The following MIPEP variants were observed in gnomAD, a reference collection of about 807,000 sequenced individuals.
The protein encoded by MIPEP is mitochondrial intermediate peptidase.
MIPEP carries 79 observed loss-of-function variants against 90.3 expected under a neutral mutation model. That is an observed-to-expected ratio of 0.87 (90% confidence interval 0.73 to 1.05). MIPEP has a LOEUF of 1.05. MIPEP is among the 50% of genes least tolerant of loss of function. The pLI is 0.00. For synonymous variants in MIPEP, 334 were observed against 315.8 expected, an observed-to-expected ratio of 1.06 and a Z score of -0.61; for missense variants, 940 against 905.6, an observed-to-expected ratio of 1.04 and a Z score of -0.49.
At chr13:23,746,140 G>A (rs1215123743) in intron 18 of MIPEP, among the ~76,000 whole-genome samples, 5 of 148,580 alleles carry the variant, frequency 3.4e-5, no homozygotes, top group Admixed American at 6.8e-5. Flanking sequence ...TCAGCCTCCC[G>A]AGTAGCTGGG....
At chr13:23,812,099 G>A (rs1348435181) in intron 14 of MIPEP, among the ~76,000 whole-genome samples, 1 of 152,058 alleles carries the variant, frequency 6.6e-6, no homozygotes, top group African/African-American at 2.4e-5. Flanking sequence ...GGCACAAGGG[G>A]CACAAACAGT....
At chr13:23,822,031 TA>T (rs1953312383) in intron 14 of MIPEP, among the ~76,000 whole-genome samples, 2 of 152,000 alleles carry the variant, frequency 1.3e-5, no homozygotes, top group South Asian at 4.2e-4. Flanking sequence ...TAGAAGAGAG[TA>T]ATCATTCACA....
At chr13:23,883,760 GAC>G (rs1198544110) in intron 2 of MIPEP, among the ~76,000 whole-genome samples, 2 of 152,190 alleles carry the variant, frequency 1.3e-5, no homozygotes, top group African/African-American at 2.4e-5. Flanking sequence ...GAAATTCACT[GAC>G]ACAGATTTTC....
intron 18 of MIPEP, among the ~76,000 whole-genome samples, chr13:23,753,258 C>CA (rs1018179746): frequency 2.7e-5 from 4 of 150,138 alleles, no homozygotes; most frequent in East Asian, 1.9e-4. Flanking sequence ...AATAATAAGA[C>CA]AAAAAAAGAA....
chr13:23,799,000 GT>G (rs765292524), intron 16 of MIPEP, among the ~76,000 whole-genome samples: 5,249 of 88,736 alleles, frequency 0.059, 82 homozygotes, highest in African/African-American at 0.22. Flanking sequence ...AATTTTTTTG[GT>G]TTTTTTTTTT....
chr13:23,814,987 C>T (rs1296919853), intron 14 of MIPEP, among the ~76,000 whole-genome samples: 2 of 152,138 alleles, frequency 1.3e-5, no homozygotes, highest in Non-Finnish European at 2.9e-5. Flanking sequence ...CCACATTTTC[C>T]TCATCTGCAA....
In MIPEP at chr13:23,836,444, T is replaced by A. The variant is rs907321292; in HGVS notation, c.1544-95A>T. On this transcript the variant is annotated intron_variant, in intron 13 of 18. Transcript: ENST00000382172. ...TTAAAACTTTTATTTGTACTTCTGATGAACTGTAAGTTTTAATTCATTAAA... is the reference window on the plus strand; with the variant it reads ...TTAAAACTTTTATTTGTACTTCTGAAGAACTGTAAGTTTTAATTCATTAAA... 5.3e-5 allele frequency: 30 copies of A among 564,340 alleles called. No homozygotes were observed. The African/African-American group carries it at 5.4e-4, about 10-fold the overall frequency. The allele number at this position is 564,340 out of a possible 1,614,324, so 35.0% of individuals were successfully genotyped here.
chr13:23,827,509 T>C (rs1436834259), intron 14 of MIPEP, among the ~76,000 whole-genome samples: 1 of 152,052 alleles, frequency 6.6e-6, no homozygotes, highest in African/African-American at 2.4e-5. Context: ...GAACAAATGA[T>C]AACAATGTTA....
At chr13:23,816,734 C>T (rs965948872) in intron 14 of MIPEP, among the ~76,000 whole-genome samples, 17 of 152,192 alleles carry the variant, frequency 1.1e-4, no homozygotes, top group African/African-American at 3.9e-4. Flanking sequence ...ATTTCTGCAG[C>T]AGCAGCCAAT....
At chr13:23,861,259 C>CAGTTTAA (rs1218956740) in intron 9 of MIPEP, among the ~76,000 whole-genome samples, 2 of 152,290 alleles carry the variant, frequency 1.3e-5, no homozygotes, top group African/African-American at 4.8e-5. Flanking sequence ...CTACAGATAA[C>CAGTTTAA]AGTTTAAAGT....
chr13:23,730,252 G>A lies in MIPEP; in HGVS notation c.*96C>T, dbSNP rs564909956. On this transcript the variant is annotated 3_prime_UTR_variant, in exon 19 of 19. Transcript: ENST00000382172. ...TAAAGTTTTTCAGAATTACAGAAGC[G>A]AACAATGAAATCAGAAACAAGCTCT... The A allele has an allele frequency of 4.5e-5, 35 of 773,232 alleles. No individual in the cohort carries two copies. Among genetic ancestry groups the A allele is most frequent in the Middle Eastern group, 4.7e-4 (2 of 4,266 alleles). The allele number at this position is 773,232 out of a possible 1,614,324, so 47.9% of individuals were successfully genotyped here. A position where few individuals can be genotyped will look rare whatever the true frequency, so the allele number is the denominator to read the frequency against.
intron 14 of MIPEP, among the ~76,000 whole-genome samples, chr13:23,819,506 A>C (rs940994734): frequency 1.3e-5 from 2 of 152,130 alleles, no homozygotes; most frequent in African/African-American, 4.8e-5. Flanking sequence ...CTAATTCATG[A>C]ATCACATATA....
At chr13:23,751,807 T>C (rs916032694) in intron 18 of MIPEP, among the ~76,000 whole-genome samples, 2 of 152,078 alleles carry the variant, frequency 1.3e-5, no homozygotes, top group Admixed American at 1.3e-4. Context: ...TAAACTAAAT[T>C]GACAGCTTTG....
intron 16 of MIPEP, among the ~76,000 whole-genome samples, chr13:23,787,301 T>G (rs781699249): frequency 1.3e-5 from 2 of 152,152 alleles, no homozygotes; most frequent in Admixed American, 1.3e-4. Flanking sequence ...GCAGATCCAG[T>G]GTCTGATGAC....
intron 5 of MIPEP, among the ~76,000 whole-genome samples, chr13:23,874,581 T>G (rs1336556813): frequency 3.3e-5 from 5 of 152,230 alleles, no homozygotes; most frequent in African/African-American, 1.2e-4. Context: ...ATATTGCCTA[T>G]CTCATCCTAA....
chr13:23,792,108 C>T (rs1035117729), intron 16 of MIPEP, among the ~76,000 whole-genome samples: 12 of 152,120 alleles, frequency 7.9e-5, no homozygotes, highest in African/African-American at 2.7e-4. Context: ...TCCTCACTGT[C>T]CCCGCCTCTA....
chr13:23,808,331 T>C (rs7339258), intron 15 of MIPEP, among the ~76,000 whole-genome samples: 56,751 of 151,860 alleles, frequency 0.37, 11,740 homozygotes, highest in African/African-American at 0.56. Context: ...GATCTCCTGA[T>C]CTCGTGATCC....
Position 23,735,410 on chromosome 13 carries a change from C to A in MIPEP, c.2045-4965G>T, listed in dbSNP as rs1328647652. 5.3e-5 allele frequency among the ~76,000 whole-genome samples: 8 copies of A among 152,202 alleles called. No homozygotes were observed. In the South Asian group the frequency reaches 1.7e-3, roughly 32 times the overall value. On this transcript the variant is annotated intron_variant, in intron 18 of 18. Coordinates refer to ENST00000382172, the MANE Select transcript of MIPEP (RefSeq NM_005932.4). ...ACATTTCTATAATTACATGACTGGT[C>A]GTTTATAACTAAATGACTGGAATTC...
chr13:23,795,464 C>T (rs1308108847), intron 16 of MIPEP, among the ~76,000 whole-genome samples: 1 of 152,136 alleles, frequency 6.6e-6, no homozygotes, highest in Non-Finnish European at 1.5e-5. Context: ...CATATGATCA[C>T]GGTTACTTAC....
Sources: allele counts gnomAD v4.1 joint callset (sites outside exome capture counted in the v4.1 genomes callset), GRCh38; gene constraint gnomAD v4.1.1; transcripts MANE v1.5; gene names NCBI Gene and HGNC (gene_info 2026-07-23, HGNC 2026-07-21).